Variants in ATP6V0D2 observed in about 807,000 individuals in gnomAD.
ATP6V0D2 encodes V-type proton ATPase subunit d 2.
A neutral mutation model predicts 40.0 loss-of-function variants in ATP6V0D2; 40 were observed. That is an observed-to-expected ratio of 1.00 (90% CI 0.78 to 1.30). The LOEUF is 1.30. Among genes scored for constraint, ATP6V0D2 ranks in the 50% most tolerant of loss-of-function variants. The pLI is 0.00. For synonymous variants in ATP6V0D2, 179 were observed against 156.3 expected (o/e 1.15, Z -1.08); for missense variants, 470 against 423.1 (o/e 1.11, Z -0.97).
intron 2 of ATP6V0D2, among the ~76,000 whole-genome samples, chr8:86,138,322 G>A: frequency 6.6e-6 from 1 of 152,160 alleles, no homozygotes; most frequent in East Asian, 1.9e-4. Context: ...GTCCAGCTAT[G>A]ATTCTCCACA....
intron 5 of ATP6V0D2, among the ~76,000 whole-genome samples, chr8:86,148,475 C>G (rs776684332): frequency 2.6e-5 from 4 of 152,124 alleles, no homozygotes; most frequent in Non-Finnish European, 5.9e-5. Context: ...TATAGGTTAA[C>G]CAGTCAAAAG....
chr8:86,104,001 A>G (rs151324739), intron 1 of ATP6V0D2, among the ~76,000 whole-genome samples: 1,681 of 151,762 alleles, frequency 0.011, 42 homozygotes, highest in African/African-American at 0.038. Flanking sequence ...AATTTTTTGT[A>G]TTTTTAGTAG....
intron 1 of ATP6V0D2, among the ~76,000 whole-genome samples, chr8:86,110,060 T>A (rs1385876084): frequency 6.6e-6 from 1 of 152,226 alleles, no homozygotes; most frequent in East Asian, 1.9e-4. Flanking sequence ...AAATTGCATA[T>A]ATTTATCATA....
At chr8:86,136,737 C>T (rs1054063592) in intron 2 of ATP6V0D2, among the ~76,000 whole-genome samples, 7 of 152,200 alleles carry the variant, frequency 4.6e-5, no homozygotes, top group East Asian at 1.9e-4. Context: ...CAACCAGAAA[C>T]GAATTCCCTG....
chr8:86,142,785 A>C, intron 4 of ATP6V0D2, 92 bp from the exon 5 acceptor site: 1 of 758,290 alleles, frequency 1.3e-6, no homozygotes, highest in South Asian at 1.9e-5. Flanking sequence ...GATTCCATTA[A>C]AGCATTTAAT....
At chr8:86,105,636 T>TTTTTA (rs56658905) in intron 1 of ATP6V0D2, among the ~76,000 whole-genome samples, 7 of 147,954 alleles carry the variant, frequency 4.7e-5, no homozygotes, top group African/African-American at 7.4e-5. Flanking sequence ...TTTTTTTTTT[T>TTTTTA]GAGATGGATT....
In ATP6V0D2 at chr8:86,112,259, G is replaced by A. The variant is rs189118405; in HGVS notation, c.131-1450G>A. On this transcript the variant is annotated intron_variant, in intron 1 of 7. Transcript: ENST00000285393. ...TTTTATCAGAGTACTTTCAAATTCA[G>A]ATGCATGAGAGTGAATAATTCTGCC... 2.6e-4 allele frequency among the ~76,000 whole-genome samples: 40 copies of A among 152,284 alleles called. No homozygotes were observed. The East Asian group carries it at 7.7e-3, about 29-fold the overall frequency.
Position 86,142,946 on chromosome 8 carries a change from A to G in ATP6V0D2, c.631A>G (p.Ile211Val), listed in dbSNP as rs1190867739. Residue 211 changes from isoleucine to valine, a missense_variant, in exon 5 of 8, where the codon ATT (isoleucine) becomes GTT (valine). Ile to Val is a conservative substitution (Grantham distance 29). Coordinates refer to ENST00000285393, the MANE Select transcript of ATP6V0D2 (RefSeq NM_152565.1). ...GDVTAEVMCP[I>V]LEFEADRRAF... ...TGTCACAGCAGAAGTTATGTGTCCC[A>G]TTCTTGAGGTAAGAAAGAGTCCTTG... The G allele has an allele frequency of 1.9e-6, 3 of 1,607,974 alleles. No individual in the cohort carries two copies. Among genetic ancestry groups the G allele is most frequent in the Admixed American group, 1.7e-5 (1 of 59,720 alleles).
intron 2 of ATP6V0D2, among the ~76,000 whole-genome samples, chr8:86,121,835 A>G (rs1455436555): frequency 6.6e-6 from 1 of 152,224 alleles, no homozygotes; most frequent in Non-Finnish European, 1.5e-5. Context: ...ACGTTATACA[A>G]ATGATTAAAT....
At chr8:86,115,521 G>T (rs965356724) in intron 2 of ATP6V0D2, among the ~76,000 whole-genome samples, 2 of 151,566 alleles carry the variant, frequency 1.3e-5, no homozygotes, top group African/African-American at 4.8e-5. Flanking sequence ...GGCATGTGCT[G>T]CCATGCCCGG....
chr8:86,103,057 A>G (rs1260998519), intron 1 of ATP6V0D2, among the ~76,000 whole-genome samples: 1 of 152,204 alleles, frequency 6.6e-6, no homozygotes, highest in East Asian at 1.9e-4. Context: ...AATCTTTTCT[A>G]AAACATATGA....
At chr8:86,137,532 C>T (rs1414856061) in intron 2 of ATP6V0D2, among the ~76,000 whole-genome samples, 1 of 152,280 alleles carries the variant, frequency 6.6e-6, no homozygotes, top group African/African-American at 2.4e-5. Flanking sequence ...TGTCTCGAAT[C>T]GGCAGCTGTC....
intron 1 of ATP6V0D2, among the ~76,000 whole-genome samples, chr8:86,100,583 A>G (rs1818384184): frequency 6.6e-6 from 1 of 152,208 alleles, no homozygotes; most frequent in African/African-American, 2.4e-5. Flanking sequence ...TGGAAACAGC[A>G]AGAACCTTTT....
chr8:86,123,402 G>T (rs1046913060), intron 2 of ATP6V0D2, among the ~76,000 whole-genome samples: 7 of 151,940 alleles, frequency 4.6e-5, no homozygotes, highest in Non-Finnish European at 8.8e-5. Flanking sequence ...CTCCTGCTTC[G>T]CAAAGTGAGG....
At chr8:86,144,568 T>C (rs1018415285) in intron 5 of ATP6V0D2, among the ~76,000 whole-genome samples, 1 of 152,166 alleles carries the variant, frequency 6.6e-6, no homozygotes, top group African/African-American at 2.4e-5. Flanking sequence ...ATCTAATCAT[T>C]AAAATTTTAC....
At chr8:86,104,850 TACACAC>T (rs146266622) in intron 1 of ATP6V0D2, among the ~76,000 whole-genome samples, 21 of 146,078 alleles carry the variant, frequency 1.4e-4, no homozygotes, top group Admixed American at 2.1e-4. Context: ...TTAAAACACA[TACACAC>T]ACACACACAC....
intron 6 of ATP6V0D2, 109 bp from the exon 7 acceptor site, chr8:86,151,357 G>T: frequency 2.5e-6 from 2 of 793,026 alleles, no homozygotes; most frequent in Non-Finnish European, 3.9e-6. Context: ...AGTCCTCCTG[G>T]TATTTTTTTT....
At chr8:86,111,697 C>T (rs1221338040) in intron 1 of ATP6V0D2, among the ~76,000 whole-genome samples, 2 of 152,164 alleles carry the variant, frequency 1.3e-5, no homozygotes, top group African/African-American at 2.4e-5. Flanking sequence ...GAGCTCCTTG[C>T]ACACAGCATA....
rs1429211053 is a variant in ATP6V0D2 at position 86,150,231 on chromosome 8, G to T, written c.759G>T (p.Arg253=). 6.2e-7 allele frequency: 1 copy of T among 1,613,178 alleles called. No homozygotes were observed. Among genetic ancestry groups the T allele is most frequent in the Admixed American group, 1.7e-5 (1 of 59,852 alleles). ...GCAAACTCTATCCTGAGGGGTTGCG[G>T]CTGTTGGCTCAAGCAGAAGACTTTG... The part of the protein sequence containing the change: ...TFGKLYPEGL[R]LLAQAEDFDQ... Residue 253 remains arginine, a synonymous_variant, in exon 6 of 8, where the codon CGG becomes CGT. Coordinates refer to ENST00000285393, the MANE Select transcript of ATP6V0D2 (RefSeq NM_152565.1).
Sources: gnomAD v4.1 joint callset for allele counts (sites outside exome capture counted in the v4.1 genomes callset) on GRCh38, gnomAD v4.1.1 for gene constraint, MANE v1.5 for transcripts, NCBI Gene and HGNC (gene_info 2026-07-23, HGNC 2026-07-21) for gene names.